Variants in FHIT observed in about 807,000 individuals in gnomAD.
The protein encoded by FHIT is bis(5'-adenosyl)-triphosphatase.
A neutral mutation model predicts 17.9 loss-of-function variants in FHIT; 19 were observed. The ratio of observed to expected loss-of-function variants is 1.06; its 90% CI spans 0.74 to 1.56. The LOEUF (loss-of-function observed/expected upper bound fraction) is 1.56. Ranked by LOEUF, FHIT falls within the 40% of genes most tolerant of loss-of-function variation. The pLI, the probability that FHIT is intolerant of heterozygous loss-of-function variation, is 0.00. For missense variants in FHIT, 248 were observed against 189.2 expected, an observed-to-expected ratio of 1.31 and a Z score of -1.82; for synonymous variants, 81 against 69.7, an observed-to-expected ratio of 1.16 and a Z score of -0.81.
intron 4 of FHIT, among the ~76,000 whole-genome samples, chr3:60,609,121 G>T (rs1197162762): frequency 6.6e-6 from 1 of 151,814 alleles, no homozygotes; most frequent in Non-Finnish European, 1.5e-5. Context: ...TGCCACTTTG[G>T]GGATTGATGC....
At chr3:61,079,762 A>C (rs2035078356) in intron 2 of FHIT, among the ~76,000 whole-genome samples, 1 of 152,346 alleles carries the variant, frequency 6.6e-6, no homozygotes, top group South Asian at 2.1e-4. Context: ...AACAAAATAG[A>C]ACCAAAAAAA....
intron 7 of FHIT, among the ~76,000 whole-genome samples, chr3:59,988,562 T>C (rs895184051): frequency 6.6e-6 from 1 of 152,112 alleles, no homozygotes; most frequent in African/African-American, 2.4e-5. Context: ...TTCTGAGTTC[T>C]TTCTGTGTAT....
intron 8 of FHIT, among the ~76,000 whole-genome samples, chr3:59,792,871 T>G (rs1051987041): frequency 9.3e-5 from 11 of 118,810 alleles, no homozygotes; most frequent in Admixed American, 1.6e-4. Flanking sequence ...TCCTTATTTT[T>G]TGGGGGGGGG....
intron 7 of FHIT, among the ~76,000 whole-genome samples, chr3:60,009,645 G>A (rs1459333460): frequency 6.6e-6 from 1 of 152,118 alleles, no homozygotes; most frequent in Non-Finnish European, 1.5e-5. Context: ...TTAGTCAAGA[G>A]ATAATTCAAA....
At chr3:60,360,327 G>A (rs1042542913) in intron 5 of FHIT, among the ~76,000 whole-genome samples, 1 of 151,934 alleles carries the variant, frequency 6.6e-6, no homozygotes, top group African/African-American at 2.4e-5. Flanking sequence ...AAAGACAAAG[G>A]CAACTTAAGG....
At chr3:61,178,984 C>T (rs972771336) in intron 2 of FHIT, among the ~76,000 whole-genome samples, 4 of 151,368 alleles carry the variant, frequency 2.6e-5, no homozygotes, top group Admixed American at 6.6e-5. Flanking sequence ...CATCCACAAG[C>T]CTACATTATT....
intron 5 of FHIT, among the ~76,000 whole-genome samples, chr3:60,014,797 G>C (rs1700279178): frequency 6.6e-6 from 1 of 151,884 alleles, no homozygotes; most frequent in African/African-American, 2.4e-5. Context: ...GACATTTGAA[G>C]GTAAATCATG....
intron 5 of FHIT, among the ~76,000 whole-genome samples, chr3:60,446,899 T>TAATAATAAA (rs1448508757): frequency 1.4e-5 from 2 of 142,726 alleles, no homozygotes; most frequent in Non-Finnish European, 3.1e-5. Context: ...ATAATAATAA[T>TAATAATAAA]AAAAAGCCTT....
intron 5 of FHIT, among the ~76,000 whole-genome samples, chr3:60,460,122 G>A (rs2032365617): frequency 6.6e-6 from 1 of 151,182 alleles, no homozygotes; most frequent in Non-Finnish European, 1.5e-5. Flanking sequence ...CAAAAAATCT[G>A]AAATTAAGAA....
At chr3:60,335,818 C>T (rs955381994) in intron 5 of FHIT, among the ~76,000 whole-genome samples, 6 of 151,888 alleles carry the variant, frequency 4.0e-5, no homozygotes, top group Non-Finnish European at 7.4e-5. Flanking sequence ...TGGTGACCTA[C>T]TTTCTATTAG....
chr3:60,260,511 A>G (rs1459422698), intron 5 of FHIT, among the ~76,000 whole-genome samples: 4 of 152,142 alleles, frequency 2.6e-5, no homozygotes, highest in Non-Finnish European at 5.9e-5. Context: ...CAGAAGTGAA[A>G]AAGTGATTGT....
At chr3:60,205,090 C>A (rs1193559074) in intron 5 of FHIT, among the ~76,000 whole-genome samples, 1 of 147,582 alleles carries the variant, frequency 6.8e-6, no homozygotes, top group Non-Finnish European at 1.5e-5. Context: ...TGAGACCCTG[C>A]CTCAAAAAAA....
At chr3:61,206,362 T>C (rs960860357) in intron 1 of FHIT, among the ~76,000 whole-genome samples, 1 of 140,734 alleles carries the variant, frequency 7.1e-6, no homozygotes, top group Non-Finnish European at 1.5e-5. Flanking sequence ...AAGAAAGTCA[T>C]TGGTAGCTTC....
chr3:60,968,414 T>C (rs1379362540), intron 3 of FHIT, among the ~76,000 whole-genome samples: 3 of 135,168 alleles, frequency 2.2e-5, no homozygotes, highest in South Asian at 2.4e-4. Context: ...AAGTCTGCTG[T>C]AGGACTTTTT....
At chr3:60,375,835 A>C (rs1319384645) in intron 5 of FHIT, among the ~76,000 whole-genome samples, 1 of 152,152 alleles carries the variant, frequency 6.6e-6, no homozygotes, top group African/African-American at 2.4e-5. Flanking sequence ...CAATGCTGTC[A>C]AACAGAGCTC....
chr3:60,582,984 T>G (rs73834248), intron 4 of FHIT, among the ~76,000 whole-genome samples: 1,971 of 151,930 alleles, frequency 0.013, 63 homozygotes, highest in African/African-American at 0.045. Flanking sequence ...AAACCAGCCC[T>G]TGCAATCACC....
intron 2 of FHIT, among the ~76,000 whole-genome samples, chr3:61,130,248 CT>C (rs1246535631): frequency 6.6e-6 from 1 of 152,168 alleles, no homozygotes; most frequent in Non-Finnish European, 1.5e-5. Flanking sequence ...CCAGGGAAAA[CT>C]TCCTTTGCAA....
chr3:59,882,758 CTTGGTCCA>C (rs1355934221), intron 8 of FHIT, among the ~76,000 whole-genome samples: 1 of 152,154 alleles, frequency 6.6e-6, no homozygotes, highest in Non-Finnish European at 1.5e-5. Context: ...CACCTAACAC[CTTGGTCCA>C]TTGGTCCTGC....
At chr3:60,937,340 C>T (rs1553773344) in intron 3 of FHIT, among the ~76,000 whole-genome samples, 2 of 152,260 alleles carry the variant, frequency 1.3e-5, no homozygotes, top group East Asian at 3.9e-4. Flanking sequence ...GAAGTAGTAT[C>T]AGACACAGAG....
Sources: gnomAD v4.1 joint callset for allele counts (sites outside exome capture counted in the v4.1 genomes callset) on GRCh38, gnomAD v4.1.1 for gene constraint, MANE v1.5 for transcripts, NCBI Gene and HGNC (gene_info 2026-07-23, HGNC 2026-07-21) for gene names.